GRM5: variants seen among roughly 807,000 people sequenced by gnomAD.
The protein encoded by GRM5 is metabotropic glutamate receptor 5.
GRM5 carries 19 observed loss-of-function variants against 83.1 expected under a neutral mutation model. The observed-to-expected ratio is 0.23, with a 90% confidence interval of 0.16 to 0.34. GRM5 has a LOEUF of 0.34. Ranked by LOEUF, GRM5 falls within the 10% of genes least tolerant of loss-of-function variation. GRM5 has a pLI of 1.00. For synonymous variants in GRM5, 675 were observed against 633.6 expected (o/e 1.07, Z -0.98); for missense variants, 1,160 against 1,588.3 (o/e 0.73, Z 4.58).
chr11:88,691,187 T>G (rs557868142), intron 3 of GRM5, among the ~76,000 whole-genome samples: 2 of 152,286 alleles, frequency 1.3e-5, no homozygotes, highest in East Asian at 3.9e-4. Flanking sequence ...ATATTTCTAA[T>G]AAAGTTAAAT....
chr11:88,736,666 C>G (rs1421860339), intron 3 of GRM5, among the ~76,000 whole-genome samples: 1 of 152,024 alleles, frequency 6.6e-6, no homozygotes, highest in Non-Finnish European at 1.5e-5. Context: ...CTGGTCTACT[C>G]AGGCACATTT....
chr11:88,759,459 A>G (rs1162807717), intron 3 of GRM5, among the ~76,000 whole-genome samples: 1 of 152,198 alleles, frequency 6.6e-6, no homozygotes, highest in Non-Finnish European at 1.5e-5. Context: ...TTAAACCAAC[A>G]AACATCAAAA....
chr11:88,730,923 T>C (rs1389642451), intron 3 of GRM5, among the ~76,000 whole-genome samples: 2 of 152,030 alleles, frequency 1.3e-5, no homozygotes, highest in African/African-American at 4.8e-5. Context: ...ATGTAGATGA[T>C]GGGTTGATGG....
At position 88,570,571 on chromosome 11, in the gene GRM5, A is replaced by ATT. The variant is rs1194098388; in HGVS notation, c.1691-2581_1691-2580dup. Among the ~76,000 whole-genome samples, 335 of 46,386 alleles carry ATT rather than the reference A, an allele frequency of 7.2e-3. 5 individuals are homozygous for ATT. The highest frequency in any genetic ancestry group is 9.4e-3 in the East Asian group (17 of 1,818). 30.4% of individuals were successfully genotyped at this position (46,386 alleles called of 152,430 possible). On this transcript the variant is annotated intron_variant, in intron 7 of 9. Transcript: ENST00000305447. ...TAATAATATATATATATATATATATATTTTTTTTTTTTTTTTTTTTTTTTT... is the reference window on the plus strand; with the variant it reads ...TAATAATATATATATATATATATATATTTTTTTTTTTTTTTTTTTTTTTTTTT...
intron 3 of GRM5, among the ~76,000 whole-genome samples, chr11:88,667,344 G>A (rs746335568): frequency 2.6e-5 from 4 of 152,118 alleles, no homozygotes; most frequent in East Asian, 1.9e-4. Flanking sequence ...TAATGATGGA[G>A]TATTTCCAAA....
intron 2 of GRM5, among the ~76,000 whole-genome samples, chr11:88,930,609 C>A (rs998175832): frequency 6.6e-6 from 1 of 151,546 alleles, no homozygotes; most frequent in African/African-American, 2.4e-5. Context: ...CTCACTGCAA[C>A]CTCTGGTTGC....
chr11:88,821,344 C>CA (rs375051761), intron 3 of GRM5, among the ~76,000 whole-genome samples: 6,107 of 66,922 alleles, frequency 0.091, 200 homozygotes, highest in African/African-American at 0.14. Flanking sequence ...CTTGAGGGGC[C>CA]AAAAAAAAAA....
chr11:88,645,335 G>A (rs927223812), intron 4 of GRM5, among the ~76,000 whole-genome samples: 9 of 152,078 alleles, frequency 5.9e-5, no homozygotes, highest in Admixed American at 2.6e-4. Flanking sequence ...CAGAAAACTG[G>A]AGCGATTAGA....
chr11:88,924,585 G>A (rs1945754403), intron 2 of GRM5, among the ~76,000 whole-genome samples: 1 of 151,974 alleles, frequency 6.6e-6, no homozygotes. Context: ...TCACTTACAT[G>A]TCGATTGTAA....
chr11:88,909,289 T>A (rs112768380), intron 2 of GRM5, among the ~76,000 whole-genome samples: 4,435 of 152,116 alleles, frequency 0.029, 209 homozygotes, highest in African/African-American at 0.1. Context: ...GTACATGTAG[T>A]ATATTAGCAA....
intron 3 of GRM5, among the ~76,000 whole-genome samples, chr11:88,693,749 T>C (rs1940837895): frequency 6.6e-6 from 1 of 152,206 alleles, no homozygotes; most frequent in African/African-American, 2.4e-5. Flanking sequence ...GTTACTCTTC[T>C]GAAACTTACA....
At position 88,567,118 on chromosome 11, in the gene GRM5, T is replaced by G. The variant is rs1942893381; in HGVS notation, c.2565A>C (p.Ala855=). 1.2e-6 allele frequency: 2 copies of G among 1,614,000 alleles called. No homozygotes were observed. Among genetic ancestry groups the G allele is most frequent in the Admixed American group, 3.3e-5 (2 of 60,002 alleles). The change falls in exon 8 of 10, where the codon GCA becomes GCC. Residue 855 remains alanine (A), a synonymous_variant. Transcript: ENST00000305447. This position sits in a 1 kb window ranked among gnomAD's most constrained non-coding sequence, Gnocchi z 7.3. ...TGACTAGGCTGCTGGATCTGCTGGC[T>G]GCGGAGGATGACTTGCCATCCCCTA... ...MHVGDGKSSS[A]ASRSSSLVNL...
At chr11:88,730,322 G>T (rs1565205103) in intron 3 of GRM5, among the ~76,000 whole-genome samples, 1 of 152,142 alleles carries the variant, frequency 6.6e-6, no homozygotes, top group African/African-American at 2.4e-5. Context: ...GCCACAATGA[G>T]ATACCATCTC....
At chr11:88,956,331 T>C (rs1409249284) in intron 2 of GRM5, among the ~76,000 whole-genome samples, 1 of 152,258 alleles carries the variant, frequency 6.6e-6, no homozygotes, top group Non-Finnish European at 1.5e-5. Context: ...CATGGTACAC[T>C]GATTCTAATT....
At chr11:88,644,200 C>T (rs1259079483) in intron 4 of GRM5, among the ~76,000 whole-genome samples, 1 of 152,128 alleles carries the variant, frequency 6.6e-6, no homozygotes, top group Non-Finnish European at 1.5e-5. Flanking sequence ...ATATGCAAGG[C>T]ACACTTCAGT....
In GRM5 at chr11:88,505,072, T is replaced by C. The variant is rs1027252685; in HGVS notation, c.*3520A>G. On this transcript the variant is annotated 3_prime_UTR_variant, in exon 10 of 10. Transcript: ENST00000305447. ...GATCAGTGAAATTCAACCAACTATT[T>C]TATACATGCCTCATTCTTCAATAGA... 1 of 152,162 alleles carries C rather than the reference T, an allele frequency of 6.6e-6. No homozygotes were observed. Among genetic ancestry groups the C allele is most frequent in the Non-Finnish European group, 1.5e-5 (1 of 68,008 alleles). 9.4% of individuals were successfully genotyped at this position (152,162 alleles called of 1,614,324 possible).
intron 3 of GRM5, among the ~76,000 whole-genome samples, chr11:88,692,780 T>C (rs1199420869): frequency 6.6e-6 from 1 of 152,130 alleles, no homozygotes; most frequent in Non-Finnish European, 1.5e-5. Context: ...GCTTCAAACA[T>C]GGGGGTATTG....
intron 2 of GRM5, among the ~76,000 whole-genome samples, chr11:88,978,465 A>T (rs1413339987): frequency 1.4e-5 from 2 of 143,038 alleles, no homozygotes; most frequent in Non-Finnish European, 3.0e-5. Flanking sequence ...TAACAACAGC[A>T]GATGAGCTTA....
At chr11:88,611,609 C>G (rs1336219859) in intron 4 of GRM5, among the ~76,000 whole-genome samples, 2 of 152,070 alleles carry the variant, frequency 1.3e-5, no homozygotes, top group Non-Finnish European at 2.9e-5. Context: ...CTCTTTCTTT[C>G]TTTATTAACC....
Sources: gnomAD v4.1 joint callset for allele counts (sites outside exome capture counted in the v4.1 genomes callset) on GRCh38, gnomAD v4.1.1 for gene constraint, Gnocchi (gnomAD v3.1) non-coding constraint, MANE v1.5 for transcripts, NCBI Gene and HGNC (gene_info 2026-07-23, HGNC 2026-07-21) for gene names.